ECM2: variants seen among roughly 807,000 people sequenced by gnomAD.
ECM2 encodes extracellular matrix protein 2, female organ and adipocyte specific.
In ECM2, 57 loss-of-function variants were observed where a neutral mutation model predicts 67.5. The ratio of observed to expected loss-of-function variants is 0.84; its 90% CI spans 0.68 to 1.05. The LOEUF (loss-of-function observed/expected upper bound fraction) is 1.05, where lower values mean the gene tolerates loss of function less well. Ranked by LOEUF, ECM2 falls within the 50% of genes least tolerant of loss-of-function variation. The pLI is 0.00. For synonymous variants in ECM2, 258 were observed against 294.5 expected (o/e 0.88, Z 1.27); for missense variants, 741 against 822.8 (o/e 0.90, Z 1.22).
chr9:92,516,307 C>T (rs1003272661), intron 3 of ECM2, among the ~76,000 whole-genome samples: 9 of 152,148 alleles, frequency 5.9e-5, no homozygotes, highest in African/African-American at 1.7e-4. Context: ...TTGTGATCCT[C>T]CCGCCTCAGC....
chr9:92,496,499 C>T lies in ECM2; in HGVS notation c.1932-16G>A. 6.2e-7 allele frequency: 1 copy of T among 1,604,336 alleles called. No individual in the cohort carries two copies. Among genetic ancestry groups the T allele is most frequent in the South Asian group, 1.1e-5 (1 of 88,346 alleles). On this transcript the variant is annotated splice_polypyrimidine_tract_variant and intron_variant, in intron 9 of 9. Coordinates refer to ENST00000344604, the MANE Select transcript of ECM2 (RefSeq NM_001393.4). ...AAGAATGTTCCTAAGGAAAAATAGA[C>T]ATGCAAGTCACACATGGTCCCAGTA...
rs968445451 is a variant in ECM2 at position 92,519,049 on chromosome 9, C to G, written c.293-1174G>C. On this transcript the variant is annotated intron_variant, in intron 2 of 9. Transcript: ENST00000344604. ...TTTTTCTTCCAACCCTGGTGTCATT[C>G]CAGATAACTTTCCTCCATCTGAGCC... Among the ~76,000 whole-genome samples the G allele has an allele frequency of 2.0e-4, 31 of 152,128 alleles. 1 individual carries two copies. Among genetic ancestry groups the G allele is most frequent in the Non-Finnish European group, 1.5e-5 (1 of 68,024 alleles).
At chr9:92,494,184 A>G (rs1483357461), downstream of ECM2, 1 of 1,583,810 alleles carries the variant, frequency 6.3e-7, no homozygotes, top group Non-Finnish European at 8.6e-7. Flanking sequence ...GAATGAATGA[A>G]TCGTTTAGTA....
chr9:92,548,147 TG>T, the ECM2 span, among the ~76,000 whole-genome samples: 7 of 152,214 alleles, frequency 4.6e-5, no homozygotes, highest in African/African-American at 1.4e-4. Flanking sequence ...CTGCTGCATG[TG>T]TGTCACTAGG....
chr9:92,548,655 C>G, the ECM2 span, among the ~76,000 whole-genome samples: 39,560 of 151,952 alleles, frequency 0.26, 7,506 homozygotes, highest in African/African-American at 0.53. Context: ...TAAAATATAT[C>G]AAGTAGTTAA....
chr9:92,544,712 A>ATTTTTT, the ECM2 span, among the ~76,000 whole-genome samples: 1 of 132,422 alleles, frequency 7.6e-6, no homozygotes, highest in Non-Finnish European at 1.6e-5. Flanking sequence ...ATCACTATAA[A>ATTTTTT]TTTTTTTTTT....
At chr9:92,502,749 G>T in intron 7 of ECM2, 97 bp from the exon 8 acceptor site, 5 of 907,562 alleles carry the variant, frequency 5.5e-6, no homozygotes, top group East Asian at 7.9e-5. Context: ...ATTATCATTA[G>T]TATTATCTAA....
intron 2 of ECM2, among the ~76,000 whole-genome samples, chr9:92,518,423 A>G (rs553208526): frequency 1.3e-5 from 2 of 152,322 alleles, no homozygotes; most frequent in Admixed American, 6.5e-5. Flanking sequence ...TCATGTGACC[A>G]GAGAGCTGAG....
chr9:92,504,351 A>G (rs1340264733), intron 7 of ECM2, among the ~76,000 whole-genome samples: 1 of 152,174 alleles, frequency 6.6e-6, no homozygotes, highest in Non-Finnish European at 1.5e-5. Context: ...GCCACATAAG[A>G]TCACAATAGA....
intron 9 of ECM2, among the ~76,000 whole-genome samples, chr9:92,497,318 TGATACTTTTAA>T (rs1846402462): frequency 6.6e-6 from 1 of 150,972 alleles, no homozygotes; most frequent in Non-Finnish European, 1.5e-5. Flanking sequence ...AGTGATATAC[TGATACTTTTAA>T]AAAGTAAAGG....
chr9:92,557,756 C>T, the ECM2 span, among the ~76,000 whole-genome samples: 4 of 152,164 alleles, frequency 2.6e-5, no homozygotes, highest in Non-Finnish European at 5.9e-5. Flanking sequence ...GATTCTCCTG[C>T]CTCAGCCTCT....
At chr9:92,513,138 T>G (rs763757002) in intron 4 of ECM2, among the ~76,000 whole-genome samples, 1 of 152,196 alleles carries the variant, frequency 6.6e-6, no homozygotes, top group Non-Finnish European at 1.5e-5. Context: ...CGAATGCTCC[T>G]GCTGCTCCCA....
chr9:92,503,590 C>A (rs187343827), intron 7 of ECM2, among the ~76,000 whole-genome samples: 61 of 152,284 alleles, frequency 4.0e-4, no homozygotes, highest in African/African-American at 1.3e-3. Context: ...GTTTAGTTGG[C>A]ATTAGAGGGA....
chr9:92,547,851 C>G, the ECM2 span, among the ~76,000 whole-genome samples: 1 of 152,126 alleles, frequency 6.6e-6, no homozygotes, highest in African/African-American at 2.4e-5. Context: ...TGGTGAAATA[C>G]TGACAGTTTT....
chr9:92,496,585 A>G, intron 9 of ECM2, 102 bp from the exon 10 acceptor site: 1 of 1,446,830 alleles, frequency 6.9e-7, no homozygotes, highest in Non-Finnish European at 9.2e-7. Context: ...CTTAAAATAA[A>G]GTTGGATCCT....
At chr9:92,533,899 A>AT (rs534376181) in intron 1 of ECM2, among the ~76,000 whole-genome samples, 6 of 151,606 alleles carry the variant, frequency 4.0e-5, no homozygotes, top group Non-Finnish European at 7.4e-5. Context: ...TTTGTAAGAA[A>AT]TTTTTTTTCT....
At chr9:92,530,244 T>C (rs988260502) in intron 1 of ECM2, among the ~76,000 whole-genome samples, 10 of 152,090 alleles carry the variant, frequency 6.6e-5, no homozygotes, top group African/African-American at 2.4e-4. Context: ...AACCCAAGAA[T>C]ACAGAGTAAC....
At chr9:92,533,289 GAC>G (rs1269796106) in intron 1 of ECM2, among the ~76,000 whole-genome samples, 1 of 103,666 alleles carries the variant, frequency 9.6e-6, no homozygotes, top group African/African-American at 3.8e-5. Context: ...GATAGAGTGA[GAC>G]TCGGTCTCAA....
At chr9:92,537,422 A>G (rs984510280), upstream of ECM2, among the ~76,000 whole-genome samples, 1 of 152,046 alleles carries the variant, frequency 6.6e-6, no homozygotes, top group Admixed American at 6.5e-5. Flanking sequence ...GCACTTTGGG[A>G]GGCAGAGACA....
Sources: gnomAD v4.1 joint callset for allele counts (sites outside exome capture counted in the v4.1 genomes callset) on GRCh38, gnomAD v4.1.1 for gene constraint, MANE v1.5 for transcripts, NCBI Gene and HGNC (gene_info 2026-07-23, HGNC 2026-07-21) for gene names.